ANXA5: variants seen among roughly 807,000 people sequenced by gnomAD.
ANXA5 encodes CBP-I.
In ANXA5, 40 loss-of-function variants were observed where a neutral mutation model predicts 48.1. The observed-to-expected ratio is 0.83, with a 90% CI of 0.65 to 1.08. The LOEUF (loss-of-function observed/expected upper bound fraction) is 1.08, where lower values mean the gene tolerates loss of function less well. ANXA5 is among the 50% of genes least tolerant of loss of function. The pLI, the probability that ANXA5 is intolerant of heterozygous loss-of-function variation, is 0.00. For synonymous variants in ANXA5, 113 were observed against 129.1 expected (o/e 0.88, Z 0.85); for missense variants, 357 against 376.8 (o/e 0.95, Z 0.44).
At position 121,668,418 on chromosome 4, in the gene ANXA5, G is replaced by C; in HGVS notation, c.*50C>G. 6.5e-7 allele frequency: 1 copy of C among 1,545,408 alleles called. No homozygotes were observed. The highest frequency in any genetic ancestry group is 1.1e-5 in the South Asian group (1 of 89,676). On this transcript the variant is annotated 3_prime_UTR_variant, in exon 13 of 13. Transcript: ENST00000296511. ...AATGCAGCTAAAGGTGCTGAAGGAA[G>C]GCAGTGGGGTGGTGCAGGCACACAG...
intron 2 of ANXA5, among the ~76,000 whole-genome samples, chr4:121,692,261 A>C (rs1248511194): frequency 6.6e-6 from 1 of 152,344 alleles, no homozygotes; most frequent in South Asian, 2.1e-4. Flanking sequence ...TTTGATAACA[A>C]AGTGAAGATT....
chr4:121,694,083 C>T (rs187201803), intron 2 of ANXA5, among the ~76,000 whole-genome samples: 137 of 138,436 alleles, frequency 9.9e-4, no homozygotes, highest in African/African-American at 3.4e-3. Flanking sequence ...CACACACCCA[C>T]ACCGGGGCCT....
intron 8 of ANXA5, among the ~76,000 whole-genome samples, chr4:121,676,763 G>T (rs989386912): frequency 1.3e-4 from 20 of 152,050 alleles, no homozygotes; most frequent in African/African-American, 4.8e-4. Context: ...GAGGACTCAG[G>T]TGAAGCGGGG....
chr4:121,670,154 A>G (rs1275807868), intron 10 of ANXA5, 142 bp from the exon 11 acceptor site: 4 of 597,416 alleles, frequency 6.7e-6, no homozygotes, highest in African/African-American at 2.0e-5. Context: ...GCTGTAAGCT[A>G]ATCTGATTTC....
At chr4:121,689,668 G>A (rs1724948696) in intron 2 of ANXA5, among the ~76,000 whole-genome samples, 1 of 152,128 alleles carries the variant, frequency 6.6e-6, no homozygotes, top group South Asian at 2.1e-4. Context: ...GTGAAGGGAG[G>A]GGAAGGGCAC....
rs1377772120 is a variant in ANXA5, at chr4:121,668,205, A to T, written c.*263T>A. The T allele has an allele frequency of 1.6e-5, 5 of 307,022 alleles. No homozygotes were observed. The highest frequency in any genetic ancestry group is 9.1e-4 in the Middle Eastern group (1 of 1,096). The allele number at this position is 307,022 out of a possible 1,614,324, so 19.0% of individuals were successfully genotyped here. On this transcript the variant is annotated 3_prime_UTR_variant, in exon 13 of 13. Coordinates refer to ENST00000296511, the MANE Select transcript of ANXA5 (RefSeq NM_001154.4). ...CTAAAAGCACTCTAGCCTCTTAAAAAATATATATAAATGGAAAATGGCCAG... is the reference window on the plus strand; with the variant it reads ...CTAAAAGCACTCTAGCCTCTTAAAATATATATATAAATGGAAAATGGCCAG...
chr4:121,690,892 G>A (rs545250056), intron 2 of ANXA5, among the ~76,000 whole-genome samples: 14 of 152,268 alleles, frequency 9.2e-5, no homozygotes, highest in Middle Eastern at 3.4e-3. Flanking sequence ...GCCACGTAGC[G>A]GTATTAAGAG....
At chr4:121,685,389 C>T (rs896692457) in intron 3 of ANXA5, among the ~76,000 whole-genome samples, 7 of 152,116 alleles carry the variant, frequency 4.6e-5, no homozygotes, top group African/African-American at 1.4e-4. Context: ...GAGAATGATT[C>T]ATGGAGAAGG....
intron 2 of ANXA5, among the ~76,000 whole-genome samples, chr4:121,694,102 CG>C (rs1167345308): frequency 0.015 from 108 of 6,988 alleles, 6 homozygotes; most frequent in Non-Finnish European, 0.021. Flanking sequence ...CTATTGTGGG[CG>C]GGGGGGAGGG....
chr4:121,696,220 T>C (rs1303014703), intron 2 of ANXA5, among the ~76,000 whole-genome samples: 2 of 152,046 alleles, frequency 1.3e-5, no homozygotes, highest in African/African-American at 4.8e-5. Flanking sequence ...ATGACCACGA[T>C]GAGCTGTTCT....
chr4:121,677,213 A>G (rs1401299235), intron 8 of ANXA5, among the ~76,000 whole-genome samples: 1 of 152,214 alleles, frequency 6.6e-6, no homozygotes, highest in East Asian at 1.9e-4. Context: ...TAATTGAAAC[A>G]TGTGACCAGA....
Position 121,680,486 on chromosome 4 carries a change from T to C in ANXA5, c.394+1185A>G, listed in dbSNP as rs940973847. On this transcript the variant is annotated intron_variant, in intron 6 of 12. Transcript: ENST00000296511. ...TTTGAATTTCATTATCCTTTAAATA[T>C]TGCAGTCATTCTGTCATGTCACCCA... 1.3e-4 allele frequency among the ~76,000 whole-genome samples: 20 copies of C among 152,348 alleles called. No homozygotes were observed. In the Middle Eastern group the frequency reaches 0.01, roughly 78 times the overall value.
intron 7 of ANXA5, 174 bp downstream of exon 7, chr4:121,678,241 C>A (rs560969854): frequency 5.3e-4 from 334 of 625,858 alleles, no homozygotes; most frequent in Admixed American, 1.2e-3. Flanking sequence ...GAATTTAGAC[C>A]AGATATTCTG....
chr4:121,690,654 G>T (rs1203981041), intron 2 of ANXA5, among the ~76,000 whole-genome samples: 4 of 151,944 alleles, frequency 2.6e-5, no homozygotes, highest in African/African-American at 9.7e-5. Context: ...AACAGGGAGA[G>T]GTTAGAAACA....
At chr4:121,681,522 T>C (rs1488091407) in intron 6 of ANXA5, 149 bp downstream of exon 6, 1 of 551,086 alleles carries the variant, frequency 1.8e-6, no homozygotes, top group Non-Finnish European at 3.3e-6. Flanking sequence ...AGGAGAAAAA[T>C]AGCTTGAATT....
At chr4:121,668,565 C>A (rs772687567) in intron 12 of ANXA5, 38 bp from the exon 13 acceptor site, 2 of 1,582,344 alleles carry the variant, frequency 1.3e-6, no homozygotes, top group African/African-American at 2.7e-5. Flanking sequence ...CCATGACTCA[C>A]AGAAGCCATA....
At chr4:121,677,114 A>G (rs1724712748) in intron 8 of ANXA5, among the ~76,000 whole-genome samples, 3 of 152,188 alleles carry the variant, frequency 2.0e-5, no homozygotes, top group Admixed American at 6.5e-5. Flanking sequence ...GTGAGATCGC[A>G]TATCCATGGG....
At chr4:121,696,367 G>A (rs184770845) in intron 2 of ANXA5, among the ~76,000 whole-genome samples, 262 of 152,258 alleles carry the variant, frequency 1.7e-3, no homozygotes, top group African/African-American at 6.1e-3. Context: ...GGCGGCGTCG[G>A]TGCTGGTTCC....
At position 121,683,462 on chromosome 4, in the gene ANXA5, G is replaced by C. The variant is rs1207594297; in HGVS notation, c.205C>G (p.Leu69Val). 1 of 1,604,144 alleles carries C rather than the reference G, an allele frequency of 6.2e-7. No homozygotes were observed. The highest frequency in any genetic ancestry group is 8.5e-7 in the Non-Finnish European group (1 of 1,172,422). ...AATTTTCCAGTTAGTTCTGATTTCA[G>C]GTCATCCAGAAGATCCTAACCCACA... is the stretch of plus-strand genomic sequence containing the variant. ...TLFGRDLLDD[L>V]KSELTGKFEK... Residue 69 changes from leucine (L) to valine (V), a missense_variant, in exon 5 of 13, where the codon CTG (leucine) becomes GTG (valine). Physicochemically the swap from Leu to Val is conservative, Grantham distance 32. Transcript: ENST00000296511.
Sources: gnomAD v4.1 joint callset for allele counts (sites outside exome capture counted in the v4.1 genomes callset) on GRCh38, gnomAD v4.1.1 for gene constraint, MANE v1.5 for transcripts, NCBI Gene and HGNC (gene_info 2026-07-23, HGNC 2026-07-21) for gene names.